PCSK6: variants seen among roughly 807,000 people sequenced by gnomAD.
The protein encoded by PCSK6 is paired basic amino acid cleaving enzyme 4.
Under a neutral mutation model 123.3 loss-of-function variants are expected in PCSK6, and 85 were observed. The observed-to-expected ratio is 0.69, with a 90% CI of 0.58 to 0.83. The LOEUF is 0.83. Ranked by LOEUF, PCSK6 falls within the 40% of genes least tolerant of loss-of-function variation. The pLI is 0.00. For missense variants in PCSK6, 1,191 were observed against 1,282.3 expected, an observed-to-expected ratio of 0.93 and a Z score of 1.09; for synonymous variants, 508 against 516.0, an observed-to-expected ratio of 0.98 and a Z score of 0.21.
intron 13 of PCSK6, among the ~76,000 whole-genome samples, chr15:101,339,909 C>A (rs2040560758): frequency 1.9e-5 from 2 of 105,946 alleles, no homozygotes; most frequent in African/African-American, 9.2e-5. Flanking sequence ...GACCCTTTCT[C>A]AATATATATA....
intron 16 of PCSK6, among the ~76,000 whole-genome samples, chr15:101,326,041 G>A (rs2040244606): frequency 6.6e-6 from 1 of 152,266 alleles, no homozygotes; most frequent in African/African-American, 2.4e-5. Flanking sequence ...CAGCACCAGG[G>A]CCTTGAATCG....
intron 2 of PCSK6, among the ~76,000 whole-genome samples, chr15:101,434,172 C>G (rs1436408998): frequency 6.6e-6 from 1 of 152,196 alleles, no homozygotes; most frequent in African/African-American, 2.4e-5. Context: ...TAAGATGCCG[C>G]AAACAATATT....
chr15:101,366,312 T>G lies in PCSK6; in HGVS notation c.1742A>C (p.Glu581Ala). The G allele has an allele frequency of 6.2e-7, 1 of 1,612,772 alleles. No homozygotes were observed. The highest frequency in any genetic ancestry group is 2.2e-5 in the East Asian group (1 of 44,748). The change falls in exon 13 of 22, where the codon GAA becomes GCA. Residue 581 changes from glutamate (E) to alanine (A), a missense_variant. Glu to Ala is a moderately radical substitution (Grantham distance 107). Coordinates refer to ENST00000611716, the MANE Select transcript of PCSK6 (RefSeq NM_002570.5). ...LAKRLLDLSN[E>A]GFTNWEFMTV... is the part of the protein sequence containing the mutation. ...CATGAATTCCCAGTTTGTAAACCCT[T>G]CATTGGAAAGATCCAGCAACCTGCA...
intron 21 of PCSK6, among the ~76,000 whole-genome samples, chr15:101,306,729 G>A (rs1311962074): frequency 6.6e-6 from 1 of 152,220 alleles, no homozygotes; most frequent in Non-Finnish European, 1.5e-5. Context: ...GGGCTCTCCT[G>A]CAGCACAGAT....
At position 101,398,971 on chromosome 15, in the gene PCSK6, C is replaced by T. The variant is rs1303615991; in HGVS notation, c.824-395G>A. ...AGGCTGGAGGGCAGTGGTGCAATCT[C>T]GGCTCACTGCAAGCTCCACCTCCCG... On this transcript the variant is annotated intron_variant, in intron 6 of 21. Transcript: ENST00000611716. The surrounding 1 kb of genome is among the most constrained non-coding windows in gnomAD (Gnocchi z 4.6). 1.3e-5 allele frequency among the ~76,000 whole-genome samples: 2 copies of T among 152,052 alleles called. No homozygotes were observed. Among genetic ancestry groups the T allele is most frequent in the African/African-American group, 2.4e-5 (1 of 41,354 alleles).
chr15:101,448,044 C>T (rs1419803934), intron 1 of PCSK6, among the ~76,000 whole-genome samples: 1 of 152,258 alleles, frequency 6.6e-6, no homozygotes, highest in Non-Finnish European at 1.5e-5. Context: ...GACTGCTAGT[C>T]CACAAGGCAT....
intron 6 of PCSK6, among the ~76,000 whole-genome samples, chr15:101,412,408 C>T (rs1182227831): frequency 6.6e-6 from 1 of 151,634 alleles, no homozygotes; most frequent in Non-Finnish European, 1.5e-5. Flanking sequence ...TTAGGTTTAC[C>T]TTTTAAAATT....
chr15:101,354,436 C>T (rs746618935), intron 13 of PCSK6, among the ~76,000 whole-genome samples: 1 of 152,252 alleles, frequency 6.6e-6, no homozygotes, highest in African/African-American at 2.4e-5. Context: ...AAAGAAACTA[C>T]GTGTCTTTTT....
At chr15:101,443,479 A>G in intron 2 of PCSK6, 77 bp downstream of exon 2, 1 of 979,966 alleles carries the variant, frequency 1.0e-6, no homozygotes, top group South Asian at 1.4e-5. Flanking sequence ...AATCACATTA[A>G]AATCCAGACT....
At position 101,325,017 on chromosome 15, in the gene PCSK6, T is replaced by C; in HGVS notation, c.2210A>G (p.Tyr737Cys). The change falls in exon 17 of 22, where the codon TAC becomes TGC. Residue 737 changes from tyrosine (Y) to cysteine (C), a missense_variant. Physicochemically the swap from Tyr to Cys is radical, Grantham distance 194. Coordinates refer to ENST00000611716, the MANE Select transcript of PCSK6 (RefSeq NM_002570.5). ...RKCVSVCPLG[Y>C]FGDTAARRCR... is the part of the protein sequence containing the mutation. ...GCGTCTTGCTGCTGTGTCCCCAAAG[T>C]AGCCCAAGGGGCACACACTCACGCA... 1 of 1,611,426 alleles carries C rather than the reference T, an allele frequency of 6.2e-7. No homozygotes were observed.
At chr15:101,487,743 C>A (rs897731151) in intron 1 of PCSK6, among the ~76,000 whole-genome samples, 2 of 152,162 alleles carry the variant, frequency 1.3e-5, no homozygotes, top group Non-Finnish European at 2.9e-5. Flanking sequence ...GGGCACTACG[C>A]AAACATGAGG....
intron 6 of PCSK6, among the ~76,000 whole-genome samples, chr15:101,423,038 C>T (rs1307981526): frequency 1.3e-5 from 2 of 151,890 alleles, no homozygotes; most frequent in South Asian, 4.2e-4. Flanking sequence ...AATACATGAC[C>T]CACTGTAAAG....
At chr15:101,438,036 G>T (rs1199477935) in intron 2 of PCSK6, among the ~76,000 whole-genome samples, 1 of 152,160 alleles carries the variant, frequency 6.6e-6, no homozygotes, top group Admixed American at 6.5e-5. Flanking sequence ...CGCAGAGAGG[G>T]ACAACCACGT....
chr15:101,438,239 T>C, intron 2 of PCSK6, among the ~76,000 whole-genome samples: 1 of 152,240 alleles, frequency 6.6e-6, no homozygotes. Context: ...ATGCAGTCAC[T>C]GTCTGTACCT....
In PCSK6 at chr15:101,305,167, G is replaced by T. The variant is rs1293724963; in HGVS notation, c.*91C>A. The T allele has an allele frequency of 1.7e-5, 19 of 1,086,540 alleles. No individual in the cohort carries two copies. Among genetic ancestry groups the T allele is most frequent in the Non-Finnish European group, 2.4e-5 (18 of 737,502 alleles). The allele number at this position is 1,086,540 out of a possible 1,614,324, so 67.3% of individuals were successfully genotyped here. A position where few individuals can be genotyped will look rare whatever the true frequency, so the allele number is the denominator to read the frequency against. Reference sequence around the variant, plus strand: ...ATAAAGCTGTCAGGTGCAGGGCGCCGCTCCTGAAACAGACTCTGGCCGACA... The same window carrying T: ...ATAAAGCTGTCAGGTGCAGGGCGCCTCTCCTGAAACAGACTCTGGCCGACA... On this transcript the variant is annotated 3_prime_UTR_variant, in exon 22 of 22. Transcript: ENST00000611716. This position sits in a 1 kb window ranked among gnomAD's most constrained non-coding sequence, Gnocchi z 4.8.
chr15:101,356,905 C>T (rs1412573381), intron 13 of PCSK6, among the ~76,000 whole-genome samples: 1 of 152,096 alleles, frequency 6.6e-6, no homozygotes, highest in African/African-American at 2.4e-5. Context: ...TGCTACTCAA[C>T]CTTTAAAAAT....
intron 20 of PCSK6, among the ~76,000 whole-genome samples, chr15:101,312,866 A>G (rs983886299): frequency 1.3e-5 from 2 of 151,148 alleles, no homozygotes; most frequent in Admixed American, 6.6e-5. Context: ...TTAGCTGGGC[A>G]TTGTGGTGCA....
At chr15:101,360,541 G>T (rs2041184736) in intron 13 of PCSK6, among the ~76,000 whole-genome samples, 1 of 131,768 alleles carries the variant, frequency 7.6e-6, no homozygotes, top group South Asian at 2.3e-4. Flanking sequence ...TCCTGCCCGG[G>T]GGCCTTAGCA....
chr15:101,488,479 G>T (rs752752490), intron 1 of PCSK6, among the ~76,000 whole-genome samples: 6 of 152,208 alleles, frequency 3.9e-5, no homozygotes, highest in Non-Finnish European at 5.9e-5. Context: ...ACAGAAGAGG[G>T]GACAGCCGAG....
Sources: gnomAD v4.1 joint callset for allele counts (sites outside exome capture counted in the v4.1 genomes callset) on GRCh38, gnomAD v4.1.1 for gene constraint, Gnocchi (gnomAD v3.1) non-coding constraint, MANE v1.5 for transcripts, NCBI Gene and HGNC (gene_info 2026-07-23, HGNC 2026-07-21) for gene names.